The following TENM3 variants were observed in gnomAD, a reference collection of about 807,000 sequenced individuals.
The protein encoded by TENM3 is teneurin-3.
Under a neutral mutation model 255.1 loss-of-function variants are expected in TENM3, and 63 were observed. The observed-to-expected ratio is 0.25, with a 90% CI of 0.20 to 0.30. TENM3 has a LOEUF of 0.30. Among genes scored for constraint, TENM3 ranks in the 10% least tolerant of loss-of-function variants. The pLI is 1.00. For synonymous variants in TENM3, 1,306 were observed against 1,322.3 expected (o/e 0.99, Z 0.27); for missense variants, 2,929 against 3,461.1 (o/e 0.85, Z 3.86).
the TENM3 span, among the ~76,000 whole-genome samples, chr4:181,748,714 A>G: frequency 6.6e-6 from 1 of 152,074 alleles, no homozygotes; most frequent in Non-Finnish European, 1.5e-5. Context: ...CTATAACGTT[A>G]ACAGTCCAAT....
chr4:182,084,132 AC>A, the TENM3 span, among the ~76,000 whole-genome samples: 1 of 152,184 alleles, frequency 6.6e-6, no homozygotes, highest in Admixed American at 6.5e-5. Flanking sequence ...ATACACGCAC[AC>A]ACTAAGAAAT....
At chr4:182,065,137 C>T in the TENM3 span, among the ~76,000 whole-genome samples, 4 of 151,100 alleles carry the variant, frequency 2.6e-5, no homozygotes, top group Admixed American at 6.6e-5. Flanking sequence ...AGAGTTCAAG[C>T]GATTCTCCTG....
intron 3 of TENM3, among the ~76,000 whole-genome samples, chr4:182,391,454 A>G (rs539837369): frequency 5.3e-5 from 8 of 152,336 alleles, no homozygotes; most frequent in African/African-American, 1.9e-4. Flanking sequence ...ACAGTTAAAT[A>G]AAACCATGAC....
chr4:182,006,650 T>C, the TENM3 span, among the ~76,000 whole-genome samples: 1 of 152,124 alleles, frequency 6.6e-6, no homozygotes, highest in Admixed American at 6.6e-5. Flanking sequence ...GCAAGCTACA[T>C]GTTTTGTTAA....
the TENM3 span, among the ~76,000 whole-genome samples, chr4:181,487,707 T>G: frequency 6.6e-6 from 1 of 152,024 alleles, no homozygotes; most frequent in Non-Finnish European, 1.5e-5. Context: ...CTGAAGCATC[T>G]CTGGATATCT....
At chr4:182,338,468 T>G (rs1326230302) in intron 2 of TENM3, among the ~76,000 whole-genome samples, 1 of 152,208 alleles carries the variant, frequency 6.6e-6, no homozygotes, top group Non-Finnish European at 1.5e-5. Context: ...CTCTTAGATA[T>G]AGACTACTTA....
chr4:181,692,810 T>C, the TENM3 span, among the ~76,000 whole-genome samples: 1 of 152,170 alleles, frequency 6.6e-6, no homozygotes, highest in Non-Finnish European at 1.5e-5. Context: ...TCACTCTTTA[T>C]TTGCTTAATA....
At chr4:181,796,715 A>T in the TENM3 span, among the ~76,000 whole-genome samples, 4 of 152,324 alleles carry the variant, frequency 2.6e-5, no homozygotes, top group East Asian at 7.7e-4. Flanking sequence ...ACTCAGCAGG[A>T]GCGAGTTCAT....
the TENM3 span, among the ~76,000 whole-genome samples, chr4:181,535,552 AC>A: frequency 1.3e-5 from 2 of 152,160 alleles, no homozygotes; most frequent in East Asian, 3.9e-4. Context: ...TCTGCTCAAA[AC>A]CCTTAAATGG....
the TENM3 span, among the ~76,000 whole-genome samples, chr4:181,958,388 G>C: frequency 4.4e-4 from 67 of 152,244 alleles, no homozygotes; most frequent in African/African-American, 1.6e-3. Context: ...AGACTTTCTA[G>C]TTGCCTGATA....
At chr4:182,540,973 G>A (rs962577487) in intron 3 of TENM3, among the ~76,000 whole-genome samples, 3 of 152,156 alleles carry the variant, frequency 2.0e-5, no homozygotes, top group Non-Finnish European at 4.4e-5. Flanking sequence ...AGTATTTACT[G>A]AGCATTCACT....
chr4:182,028,067 T>G, the TENM3 span, among the ~76,000 whole-genome samples: 1 of 152,162 alleles, frequency 6.6e-6, no homozygotes, highest in Non-Finnish European at 1.5e-5. Flanking sequence ...TTTAAATGTT[T>G]GGTAGAATTC....
intron 3 of TENM3, among the ~76,000 whole-genome samples, chr4:182,484,718 G>A (rs1236460040): frequency 6.6e-6 from 1 of 152,054 alleles, no homozygotes; most frequent in South Asian, 2.1e-4. Flanking sequence ...TAAAAGTTAT[G>A]CAAATTGGTC....
At chr4:181,745,193 A>C in the TENM3 span, among the ~76,000 whole-genome samples, 1 of 152,138 alleles carries the variant, frequency 6.6e-6, no homozygotes, top group Admixed American at 6.6e-5. Flanking sequence ...CTGGACACCA[A>C]GTGGAAGCTG....
At chr4:181,926,966 C>T in the TENM3 span, among the ~76,000 whole-genome samples, 22 of 152,146 alleles carry the variant, frequency 1.4e-4, no homozygotes, top group East Asian at 1.6e-3. Context: ...CTGTGAGGAA[C>T]GGTGCACTCC....
chr4:181,849,838 T>A, the TENM3 span, among the ~76,000 whole-genome samples: 1 of 152,090 alleles, frequency 6.6e-6, no homozygotes, highest in Non-Finnish European at 1.5e-5. Context: ...AAATTAATGT[T>A]ACTCCCCTTT....
At chr4:181,754,979 A>G in the TENM3 span, among the ~76,000 whole-genome samples, 1 of 152,168 alleles carries the variant, frequency 6.6e-6, no homozygotes, top group Non-Finnish European at 1.5e-5. Flanking sequence ...TTGGAAAGTC[A>G]GCTCTCAAGG....
chr4:182,765,297 A>G (rs917446160), intron 22 of TENM3, among the ~76,000 whole-genome samples: 1 of 152,204 alleles, frequency 6.6e-6, no homozygotes, highest in African/African-American at 2.4e-5. Flanking sequence ...ATGTGAGTTT[A>G]CAGACTGGAG....
chr4:182,175,992 C>T (rs1752463719), intron 1 of TENM3, among the ~76,000 whole-genome samples: 1 of 151,782 alleles, frequency 6.6e-6, no homozygotes, highest in Non-Finnish European at 1.5e-5. Context: ...CTCATTTGAT[C>T]AACATTAACT....
Sources: allele counts gnomAD v4.1 joint callset (sites outside exome capture counted in the v4.1 genomes callset), GRCh38; gene constraint gnomAD v4.1.1; transcripts MANE v1.5; gene names NCBI Gene and HGNC (gene_info 2026-07-23, HGNC 2026-07-21).